The following TRERF1 variants were observed in gnomAD, a reference collection of about 807,000 sequenced individuals.
The protein encoded by TRERF1 is transcriptional-regulating factor 1.
In TRERF1, 27 loss-of-function variants were observed where a neutral mutation model predicts 122.9. That is an observed-to-expected ratio of 0.22 (90% CI 0.16 to 0.30). The LOEUF (loss-of-function observed/expected upper bound fraction) is 0.30, where lower values mean the gene tolerates loss of function less well. TRERF1 is among the 10% of genes least tolerant of loss of function. TRERF1 has a pLI of 1.00. For synonymous variants in TRERF1, 636 were observed against 641.7 expected, an observed-to-expected ratio of 0.99 and a Z score of 0.13; for missense variants, 1,248 against 1,560.3, an observed-to-expected ratio of 0.80 and a Z score of 3.37.
chr6:42,339,070 C>T (rs1766755227), intron 3 of TRERF1, among the ~76,000 whole-genome samples: 1 of 152,274 alleles, frequency 6.6e-6, no homozygotes, highest in Admixed American at 6.5e-5. Context: ...CAGCAGCACT[C>T]GGCCGAAAAG....
chr6:42,376,536 CTTTTTTTTTTT>C (rs781389630), intron 2 of TRERF1, among the ~76,000 whole-genome samples: 1 of 96,312 alleles, frequency 1.0e-5, no homozygotes, highest in Non-Finnish European at 1.9e-5. Context: ...TCGTCTAATT[CTTTTTTTTTTT>C]TTTTTTTTTT....
intron 4 of TRERF1, among the ~76,000 whole-genome samples, chr6:42,279,478 G>C (rs1582779320): frequency 6.6e-6 from 1 of 152,216 alleles, no homozygotes; most frequent in Non-Finnish European, 1.5e-5. Flanking sequence ...TAGAGGGGAA[G>C]TGGGCTGGCA....
chr6:42,445,399 C>G (rs1362344342), intron 2 of TRERF1, among the ~76,000 whole-genome samples: 1 of 149,360 alleles, frequency 6.7e-6, no homozygotes, highest in Non-Finnish European at 1.5e-5. Context: ...CAGCACACAC[C>G]TCCTTCACAC....
intron 3 of TRERF1, among the ~76,000 whole-genome samples, chr6:42,305,400 A>G (rs1393323879): frequency 6.6e-6 from 1 of 152,108 alleles, no homozygotes; most frequent in Non-Finnish European, 1.5e-5. Context: ...CTTCTATACA[A>G]TGGGGGTGAC....
chr6:42,255,392 C>T (rs566996037), intron 12 of TRERF1, among the ~76,000 whole-genome samples: 2 of 152,254 alleles, frequency 1.3e-5, no homozygotes, highest in South Asian at 4.1e-4. Flanking sequence ...GCTAAATAAA[C>T]TGTTTCAAAT....
chr6:42,437,736 T>C (rs1022284262), intron 2 of TRERF1, among the ~76,000 whole-genome samples: 7 of 152,154 alleles, frequency 4.6e-5, no homozygotes, highest in African/African-American at 1.7e-4. Flanking sequence ...ATCCCTGCCC[T>C]GCAATTTACT....
At chr6:42,412,528 T>C (rs1781262610) in intron 2 of TRERF1, among the ~76,000 whole-genome samples, 1 of 152,220 alleles carries the variant, frequency 6.6e-6, no homozygotes, top group Non-Finnish European at 1.5e-5. Context: ...GGAATGTTTC[T>C]GAAGAGAAAG....
In TRERF1 at chr6:42,446,895, C is replaced by T. The variant is rs1304600228; in HGVS notation, c.-454+4282G>A. Among the ~76,000 whole-genome samples the T allele has an allele frequency of 5.3e-4, 80 of 152,230 alleles. 1 individual carries two copies. The highest frequency in any genetic ancestry group is 5.2e-3 in the Admixed American group (80 of 15,292). On this transcript the variant is annotated intron_variant, in intron 2 of 17. Coordinates refer to ENST00000372922, the Ensembl canonical transcript of TRERF1. ...TGGTGCACGCCTGTAATCCCAGCTA[C>T]CTGGGAGGCTGGGGCAGGAGGATCA...
At chr6:42,290,624 ACAT>A (rs138849536) in intron 4 of TRERF1, among the ~76,000 whole-genome samples, 1,680 of 151,912 alleles carry the variant, frequency 0.011, 8 homozygotes, top group Non-Finnish European at 0.016. Context: ...ATCACCCAGA[ACAT>A]CATTTTTTTT....
At chr6:42,382,593 C>A (rs752341354) in intron 2 of TRERF1, among the ~76,000 whole-genome samples, 2 of 152,046 alleles carry the variant, frequency 1.3e-5, no homozygotes, top group Admixed American at 1.3e-4. Flanking sequence ...GCCTCCACAC[C>A]TTTTCAGGTG....
intron 2 of TRERF1, among the ~76,000 whole-genome samples, chr6:42,405,560 C>T (rs868148507): frequency 5.3e-5 from 8 of 151,990 alleles, no homozygotes; most frequent in African/African-American, 1.9e-4. Context: ...TTTGGGAGGC[C>T]GAGGTAGGCA....
intron 3 of TRERF1, among the ~76,000 whole-genome samples, chr6:42,320,091 G>C (rs1314139784): frequency 1.3e-5 from 2 of 151,896 alleles, no homozygotes; most frequent in Non-Finnish European, 2.9e-5. Flanking sequence ...AGTAGAGATG[G>C]GGTTTCACCA....
rs1027490608 is a variant in TRERF1 at position 42,262,440 on chromosome 6, G to C, written c.1884+880C>G. 3.0e-3 allele frequency among the ~76,000 whole-genome samples: 82 copies of C among 27,718 alleles called. 12 individuals are homozygous for C. Among genetic ancestry groups the C allele is most frequent in the South Asian group, 6.3e-3 (3 of 476 alleles). 18.2% of individuals were successfully genotyped at this position (27,718 alleles called of 152,430 possible). On this transcript the variant is annotated intron_variant, in intron 8 of 17. Transcript: ENST00000372922. ...GTCACAAATTCCCTAGGGGCAGAGA[G>C]AGAGAGAGAGAGAGAGAGAGAGAGA...
chr6:42,281,942 A>C (rs1782376399), intron 4 of TRERF1, among the ~76,000 whole-genome samples: 1 of 152,202 alleles, frequency 6.6e-6, no homozygotes, highest in African/African-American at 2.4e-5. Context: ...GACACCTTGC[A>C]ATGAACATTC....
At chr6:42,385,989 A>G (rs899072347) in intron 2 of TRERF1, among the ~76,000 whole-genome samples, 28 of 152,176 alleles carry the variant, frequency 1.8e-4, no homozygotes, top group Admixed American at 1.6e-3. Flanking sequence ...TATGGGGGGA[A>G]ATGGCACACA....
intron 2 of TRERF1, among the ~76,000 whole-genome samples, chr6:42,427,388 G>T (rs1406383991): frequency 6.6e-6 from 1 of 151,956 alleles, no homozygotes; most frequent in East Asian, 1.9e-4. Context: ...CTCCCAAGTA[G>T]CTAGGACTAT....
intron 3 of TRERF1, among the ~76,000 whole-genome samples, chr6:42,309,308 A>G (rs1213591884): frequency 6.6e-6 from 1 of 152,232 alleles, no homozygotes; most frequent in East Asian, 1.9e-4. Context: ...CAAGGTAGAA[A>G]TGATCTCTTT....
intron 2 of TRERF1, among the ~76,000 whole-genome samples, chr6:42,434,622 G>A (rs112283654): frequency 0.022 from 3,323 of 148,020 alleles, 138 homozygotes; most frequent in African/African-American, 0.077. Flanking sequence ...CGCATTTTCC[G>A]ACAAACAAAA....
intron 4 of TRERF1, among the ~76,000 whole-genome samples, chr6:42,280,685 C>T (rs1223817915): frequency 6.6e-6 from 1 of 152,108 alleles, no homozygotes; most frequent in Non-Finnish European, 1.5e-5. Context: ...CCAGGGGGAG[C>T]CTCACCCTCA....
Sources: allele counts gnomAD v4.1 joint callset (sites outside exome capture counted in the v4.1 genomes callset), GRCh38; gene constraint gnomAD v4.1.1; transcripts MANE v1.5; gene names NCBI Gene and HGNC (gene_info 2026-07-23, HGNC 2026-07-21).